Variants in UBN2 observed in about 807,000 individuals in gnomAD.
UBN2 encodes the protein ubinuclein-2.
In UBN2, 35 loss-of-function variants were observed where a neutral mutation model predicts 120.2. The ratio of observed to expected loss-of-function variants is 0.29; its 90% CI spans 0.22 to 0.39. UBN2 has a LOEUF of 0.39. Among genes scored for constraint, UBN2 ranks in the 10% least tolerant of loss-of-function variants. The pLI is 1.00. For synonymous variants in UBN2, 661 were observed against 648.7 expected (o/e 1.02, Z -0.29); for missense variants, 1,693 against 1,663.2 (o/e 1.02, Z -0.31).
downstream of UBN2, among the ~76,000 whole-genome samples, chr7:139,311,718 T>TA (rs1404019169): frequency 1.3e-5 from 2 of 152,322 alleles, no homozygotes; most frequent in African/African-American, 4.8e-5. Flanking sequence ...AGTGAAGCCA[T>TA]AGTGTTGTTT....
At chr7:139,266,499 A>T in intron 7 of UBN2, 96 bp downstream of exon 7, 1 of 656,938 alleles carries the variant, frequency 1.5e-6, no homozygotes, top group Non-Finnish European at 2.6e-6. Context: ...AGTCTTGGGC[A>T]TGAGTTCTTC....
At chr7:139,325,026 A>G in the UBN2 span, among the ~76,000 whole-genome samples, 3 of 152,314 alleles carry the variant, frequency 2.0e-5, no homozygotes, top group South Asian at 6.2e-4. Flanking sequence ...CGTGTTGTCA[A>G]TAAAATACAC....
chr7:139,245,474 G>T (rs1296939318), intron 2 of UBN2, among the ~76,000 whole-genome samples: 1 of 152,062 alleles, frequency 6.6e-6, no homozygotes, highest in South Asian at 2.1e-4. Flanking sequence ...TTACTACTTA[G>T]ATTAGATTAT....
chr7:139,288,663 A>G (rs780762366), intron 15 of UBN2, among the ~76,000 whole-genome samples: 1 of 152,102 alleles, frequency 6.6e-6, no homozygotes, highest in Non-Finnish European at 1.5e-5. Context: ...GTTGTGGGGA[A>G]TAGGGGACCA....
At chr7:139,271,909 G>A (rs529132538) in intron 8 of UBN2, among the ~76,000 whole-genome samples, 16 of 152,272 alleles carry the variant, frequency 1.1e-4, no homozygotes, top group Admixed American at 5.2e-4. Flanking sequence ...AACCAAACAC[G>A]TGTCTTCGTG....
rs1798039939 is a variant in UBN2 at position 139,294,034 on chromosome 7, T to C, written c.3994+53T>C. On this transcript the variant is annotated intron_variant, in intron 17 of 17. Coordinates refer to ENST00000473989, the MANE Select transcript of UBN2 (RefSeq NM_173569.4). Reference sequence around the variant, plus strand: ...TCTTATTTGTATAGGCTTATAGATATGGATTATACTTTTCTGAAAACAATG... The same window carrying C: ...TCTTATTTGTATAGGCTTATAGATACGGATTATACTTTTCTGAAAACAATG... 7 of 1,543,754 alleles carry C rather than the reference T, an allele frequency of 4.5e-6. No individual in the cohort carries two copies. The Admixed American group carries it at 5.2e-5, about 11-fold the overall frequency.
In UBN2 at chr7:139,259,909, C is replaced by T. The variant is rs745708842; in HGVS notation, c.905+539C>T. Among the ~76,000 whole-genome samples the T allele has an allele frequency of 9.2e-5, 14 of 151,758 alleles. 1 individual carries two copies. The highest frequency in any genetic ancestry group is 3.9e-4 in the East Asian group (2 of 5,154). On this transcript the variant is annotated intron_variant, in intron 5 of 17. Transcript: ENST00000473989. Reference sequence around the variant, plus strand: ...GATTACAGGTGTATGTCATCACACCCGGCTAATTTTTGTATTTTTAGTAGA... The same window carrying T: ...GATTACAGGTGTATGTCATCACACCTGGCTAATTTTTGTATTTTTAGTAGA...
At chr7:139,274,860 G>A (rs1435156879) in intron 11 of UBN2, among the ~76,000 whole-genome samples, 3 of 151,862 alleles carry the variant, frequency 2.0e-5, no homozygotes, top group Non-Finnish European at 4.4e-5. Flanking sequence ...GGCCAAGGTG[G>A]GAGGATCACT....
At chr7:139,280,702 G>A (rs1797582793) in intron 13 of UBN2, among the ~76,000 whole-genome samples, 1 of 152,190 alleles carries the variant, frequency 6.6e-6, no homozygotes, top group East Asian at 1.9e-4. Flanking sequence ...CTGGAGTGCA[G>A]TGGTGCGATC....
At chr7:139,324,569 A>AAAAG in the UBN2 span, among the ~76,000 whole-genome samples, 1 of 151,272 alleles carries the variant, frequency 6.6e-6, no homozygotes. Flanking sequence ...AAAAAAAAAA[A>AAAAG]AAAAAAGAAA....
chr7:139,254,924 G>C (rs1237215167), intron 3 of UBN2, among the ~76,000 whole-genome samples: 2 of 152,188 alleles, frequency 1.3e-5, no homozygotes. Flanking sequence ...TGTTAGAGTT[G>C]ATGAGCCCAG....
the UBN2 span, among the ~76,000 whole-genome samples, chr7:139,326,110 A>G: frequency 2.0e-5 from 3 of 151,900 alleles, no homozygotes; most frequent in Non-Finnish European, 4.4e-5. Context: ...ACAAAAATTA[A>G]CCAGGCGTGG....
At chr7:139,316,107 AGG>A in the UBN2 span, among the ~76,000 whole-genome samples, 6 of 116,176 alleles carry the variant, frequency 5.2e-5, 2 homozygotes, top group African/African-American at 1.4e-4. Context: ...AAAAAAAAAA[AGG>A]GGTTCCAGTT....
chr7:139,326,495 T>A, the UBN2 span, among the ~76,000 whole-genome samples: 2 of 152,214 alleles, frequency 1.3e-5, no homozygotes, highest in Admixed American at 6.5e-5. Flanking sequence ...TTGTTTTGCT[T>A]GTTATTTATC....
chr7:139,326,285 A>C, the UBN2 span, among the ~76,000 whole-genome samples: 1 of 152,042 alleles, frequency 6.6e-6, no homozygotes, highest in Non-Finnish European at 1.5e-5. Context: ...ACAAACAAAC[A>C]AACAAAAAAT....
chr7:139,231,700 C>A lies in UBN2; in HGVS notation c.216C>A (p.Leu72=). ...DAQPPSREKP[L]PQREVSRAEP... ...AGCCCCCGTCGCGGGAGAAGCCGCTCCCCCAGCGCGAGGTCAGCCGCGCCG... is the reference window on the plus strand; with the variant it reads ...AGCCCCCGTCGCGGGAGAAGCCGCTACCCCAGCGCGAGGTCAGCCGCGCCG... Residue 72 remains leucine, a synonymous_variant, in exon 1 of 18, where the codon CTC becomes CTA. Transcript: ENST00000473989. The A allele has an allele frequency of 8.5e-7, 1 of 1,179,270 alleles. No individual in the cohort carries two copies. The highest frequency in any genetic ancestry group is 1.0e-6 in the Non-Finnish European group (1 of 957,342). The allele number at this position is 1,179,270 out of a possible 1,614,324, so 73.1% of individuals were successfully genotyped here.
chr7:139,239,262 A>C (rs971725271), intron 2 of UBN2, among the ~76,000 whole-genome samples: 12 of 152,146 alleles, frequency 7.9e-5, no homozygotes, highest in Non-Finnish European at 4.4e-5. Flanking sequence ...TCATATCAGG[A>C]CAAAGTGCTT....
downstream of UBN2, among the ~76,000 whole-genome samples, chr7:139,311,961 G>A (rs1202970023): frequency 6.6e-6 from 1 of 152,190 alleles, no homozygotes; most frequent in Non-Finnish European, 1.5e-5. Context: ...CAGGGAGTCC[G>A]TGACAGCCTC....
chr7:139,318,650 C>T, the UBN2 span, among the ~76,000 whole-genome samples: 17 of 152,174 alleles, frequency 1.1e-4, no homozygotes, highest in Admixed American at 1.1e-3. Context: ...TGCGTGCCAC[C>T]ATACCCAGCT....
Sources: allele counts gnomAD v4.1 joint callset (sites outside exome capture counted in the v4.1 genomes callset), GRCh38; gene constraint gnomAD v4.1.1; transcripts MANE v1.5; gene names NCBI Gene and HGNC (gene_info 2026-07-23, HGNC 2026-07-21).